The following SSBP2 variants were observed in gnomAD, a reference collection of about 807,000 sequenced individuals.
The protein encoded by SSBP2 is single stranded DNA binding protein 2, also known as single-stranded DNA-binding protein 2.
A neutral mutation model predicts 61.8 loss-of-function variants in SSBP2; 17 were observed. The observed-to-expected ratio is 0.28, with a 90% confidence interval of 0.19 to 0.41. The LOEUF (loss-of-function observed/expected upper bound fraction) is 0.41, where lower values mean the gene tolerates loss of function less well. SSBP2 is among the 10% of genes least tolerant of loss of function. The pLI is 1.00. For synonymous variants in SSBP2, 139 were observed against 141.3 expected (o/e 0.98, Z 0.12); for missense variants, 310 against 458.7 (o/e 0.68, Z 2.96).
Position 81,474,612 on chromosome 5 carries a change from A to G in SSBP2, c.433-50T>C, listed in dbSNP as rs1376752159. 3 of 1,386,904 alleles carry G rather than the reference A, an allele frequency of 2.2e-6. No individual in the cohort carries two copies. The South Asian group carries it at 4.1e-5, about 19-fold the overall frequency. 85.9% of individuals were successfully genotyped at this position (1,386,904 alleles called of 1,614,324 possible). On this transcript the variant is annotated intron_variant, in intron 6 of 16. Coordinates refer to ENST00000320672, the MANE Select transcript of SSBP2 (RefSeq NM_012446.5). ...AGAGCAATATTGTAAATATTTATAA[A>G]ATAAGTTTTTTAACAATTTCCTTTT...
chr5:81,657,758 T>C (rs1186208660), intron 1 of SSBP2, among the ~76,000 whole-genome samples: 2 of 152,346 alleles, frequency 1.3e-5, no homozygotes, highest in East Asian at 3.9e-4. Flanking sequence ...TATTCAGCTA[T>C]ATAAAAATAT....
intron 12 of SSBP2, among the ~76,000 whole-genome samples, chr5:81,446,291 G>A (rs1434403898): frequency 6.6e-6 from 1 of 151,988 alleles, no homozygotes; most frequent in Non-Finnish European, 1.5e-5. Flanking sequence ...AAAAATAAAT[G>A]ATAAAACTAT....
At chr5:81,653,700 G>A (rs1749959835) in intron 1 of SSBP2, among the ~76,000 whole-genome samples, 1 of 152,144 alleles carries the variant, frequency 6.6e-6, no homozygotes, top group Non-Finnish European at 1.5e-5. Flanking sequence ...AATGTCCAGT[G>A]ATAATGAGCT....
At chr5:81,465,669 T>TA (rs1053201604) in intron 9 of SSBP2, among the ~76,000 whole-genome samples, 1 of 152,094 alleles carries the variant, frequency 6.6e-6, no homozygotes, top group African/African-American at 2.4e-5. Context: ...ATCTGCATTT[T>TA]AAAGTAAGAA....
chr5:81,568,869 T>G (rs1398725695), intron 4 of SSBP2, among the ~76,000 whole-genome samples: 1 of 152,182 alleles, frequency 6.6e-6, no homozygotes, highest in African/African-American at 2.4e-5. Flanking sequence ...ATAACATATG[T>G]GTCAAAATAC....
At chr5:81,456,819 T>C (rs1444856553) in intron 10 of SSBP2, among the ~76,000 whole-genome samples, 1 of 152,138 alleles carries the variant, frequency 6.6e-6, no homozygotes, top group Non-Finnish European at 1.5e-5. Context: ...TATGACAAAA[T>C]TGTGGACAAA....
chr5:81,635,349 A>T (rs1489542894), intron 3 of SSBP2, among the ~76,000 whole-genome samples: 1 of 152,166 alleles, frequency 6.6e-6, no homozygotes, highest in African/African-American at 2.4e-5. Context: ...GCTTATTTGT[A>T]ACTTATTCCC....
intron 5 of SSBP2, among the ~76,000 whole-genome samples, chr5:81,511,601 A>G (rs556059277): frequency 7.4e-4 from 112 of 152,308 alleles, no homozygotes; most frequent in Middle Eastern, 3.4e-3. Context: ...ACTTTCTGAA[A>G]TGTAATTCCT....
chr5:81,680,032 TC>T (rs535432439), intron 1 of SSBP2, among the ~76,000 whole-genome samples: 1,841 of 151,376 alleles, frequency 0.012, 16 homozygotes, highest in Middle Eastern at 0.021. Flanking sequence ...ACACTGCTGT[TC>T]CTAGTTCTCT....
intron 16 of SSBP2, among the ~76,000 whole-genome samples, chr5:81,422,613 G>T (rs1389549635): frequency 6.6e-6 from 1 of 152,132 alleles, no homozygotes; most frequent in Non-Finnish European, 1.5e-5. Flanking sequence ...CTGTATGTAG[G>T]ATTATAGTGA....
chr5:81,510,531 G>A, intron 5 of SSBP2, among the ~76,000 whole-genome samples: 1 of 152,150 alleles, frequency 6.6e-6, no homozygotes, highest in East Asian at 1.9e-4. Flanking sequence ...GGGAGGCCAA[G>A]GCGGGCAGAT....
At chr5:81,490,895 T>G (rs1293362398) in intron 5 of SSBP2, among the ~76,000 whole-genome samples, 1 of 152,234 alleles carries the variant, frequency 6.6e-6, no homozygotes, top group East Asian at 1.9e-4. Flanking sequence ...CTGATAAAAC[T>G]TAAGTAGATT....
At chr5:81,454,921 G>A (rs1366199969) in intron 10 of SSBP2, among the ~76,000 whole-genome samples, 1 of 151,886 alleles carries the variant, frequency 6.6e-6, no homozygotes, top group Admixed American at 6.6e-5. Context: ...TAGAGAAGGG[G>A]CCAAACATAA....
chr5:81,696,847 C>A (rs1046882964), intron 1 of SSBP2, among the ~76,000 whole-genome samples: 10 of 152,188 alleles, frequency 6.6e-5, no homozygotes, highest in African/African-American at 1.7e-4. Context: ...GGAGCAGGAA[C>A]CTTGCATGCC....
intron 13 of SSBP2, among the ~76,000 whole-genome samples, chr5:81,441,507 T>C (rs1344780112): frequency 6.6e-6 from 1 of 152,028 alleles, no homozygotes; most frequent in African/African-American, 2.4e-5. Flanking sequence ...ATTTCTACCA[T>C]GTTGTATGGT....
intron 1 of SSBP2, among the ~76,000 whole-genome samples, chr5:81,723,560 AC>A (rs1755683800): frequency 6.6e-6 from 1 of 151,986 alleles, no homozygotes; most frequent in Non-Finnish European, 1.5e-5. Context: ...ATGCGCATTA[AC>A]CCAAGTGCAG....
rs573834319 is a variant in SSBP2 at position 81,420,226 on chromosome 5, T to G, written c.*278A>C. 8 of 459,170 alleles carry G rather than the reference T, an allele frequency of 1.7e-5. No individual in the cohort carries two copies. The South Asian group carries it at 2.8e-4, about 16-fold the overall frequency. 28.4% of individuals were successfully genotyped at this position (459,170 alleles called of 1,614,324 possible). On this transcript the variant is annotated 3_prime_UTR_variant, in exon 17 of 17. Transcript: ENST00000320672. ...TGTATATGTCTGTATAACATACACA[T>G]ATACAGTACATTCTCTTTCCCACAC...
intron 1 of SSBP2, among the ~76,000 whole-genome samples, chr5:81,715,563 C>G (rs946557268): frequency 6.6e-6 from 1 of 152,078 alleles, no homozygotes; most frequent in Admixed American, 6.6e-5. Context: ...ACAAACCTAC[C>G]TTTTAACAAG....
chr5:81,690,728 T>C (rs529943436), intron 1 of SSBP2, among the ~76,000 whole-genome samples: 7 of 152,212 alleles, frequency 4.6e-5, no homozygotes, highest in South Asian at 2.1e-4. Flanking sequence ...ATGGACCTAA[T>C]AGATATTTAC....
Sources: gnomAD v4.1 joint callset for allele counts (sites outside exome capture counted in the v4.1 genomes callset) on GRCh38, gnomAD v4.1.1 for gene constraint, MANE v1.5 for transcripts, NCBI Gene and HGNC (gene_info 2026-07-23, HGNC 2026-07-21) for gene names.